The following NXPH1 variants were observed in gnomAD, a reference collection of about 807,000 sequenced individuals.
NXPH1 encodes neurexophilin-1.
NXPH1 carries 5 observed loss-of-function variants against 23.7 expected under a neutral mutation model. The ratio of observed to expected loss-of-function variants is 0.21; its 90% CI spans 0.11 to 0.44. The LOEUF (loss-of-function observed/expected upper bound fraction) is 0.44, where lower values mean the gene tolerates loss of function less well. Among genes scored for constraint, NXPH1 ranks in the 20% least tolerant of loss-of-function variants. The probability of loss-of-function intolerance (pLI) is 0.99; values close to 1 mark genes in which losing one functional copy is unlikely to be tolerated. For synonymous variants in NXPH1, 144 were observed against 122.2 expected (o/e 1.18, Z -1.18); for missense variants, 324 against 321.6 (o/e 1.01, Z -0.06).
chr7:8,513,601 G>GT (rs2062014505), intron 2 of NXPH1, among the ~76,000 whole-genome samples: 1 of 152,112 alleles, frequency 6.6e-6, no homozygotes, highest in Non-Finnish European at 1.5e-5. Flanking sequence ...GTAAGGGATT[G>GT]TATACCTTTG....
intron 2 of NXPH1, among the ~76,000 whole-genome samples, chr7:8,451,595 TTGTC>T (rs1189663637): frequency 6.6e-6 from 1 of 152,214 alleles, no homozygotes; most frequent in Non-Finnish European, 1.5e-5. Context: ...CATTAGTCTT[TTGTC>T]TGAGTAGGTA....
chr7:8,459,852 A>C (rs6969626), intron 2 of NXPH1, among the ~76,000 whole-genome samples: 1 of 152,070 alleles, frequency 6.6e-6, no homozygotes, highest in Non-Finnish European at 1.5e-5. Flanking sequence ...TGTTGCACGA[A>C]TGAATTCGTG....
At chr7:8,580,730 G>C (rs1818850141) in intron 2 of NXPH1, among the ~76,000 whole-genome samples, 1 of 127,760 alleles carries the variant, frequency 7.8e-6, no homozygotes, top group Non-Finnish European at 1.6e-5. Context: ...AGTTGTGTTG[G>C]TCACTTTTTT....
chr7:8,679,305 C>T (rs1049152928), intron 2 of NXPH1, among the ~76,000 whole-genome samples: 1 of 151,970 alleles, frequency 6.6e-6, no homozygotes, highest in African/African-American at 2.4e-5. Flanking sequence ...GTAAAGAACA[C>T]GTTCAAGTGT....
chr7:8,693,619 TG>T (rs1821257133), intron 2 of NXPH1, among the ~76,000 whole-genome samples: 1 of 152,210 alleles, frequency 6.6e-6, no homozygotes, highest in Non-Finnish European at 1.5e-5. Flanking sequence ...TTATTATTTT[TG>T]AAGGTTCATT....
chr7:8,692,912 A>G (rs1381809472), intron 2 of NXPH1, among the ~76,000 whole-genome samples: 1 of 152,226 alleles, frequency 6.6e-6, no homozygotes, highest in Non-Finnish European at 1.5e-5. Context: ...ACCCTTAGAC[A>G]AAACACCGCC....
chr7:8,540,321 T>C (rs1244939906), intron 2 of NXPH1, among the ~76,000 whole-genome samples: 1 of 151,784 alleles, frequency 6.6e-6, no homozygotes, highest in African/African-American at 2.4e-5. Context: ...GTGAAGTAAT[T>C]GGGGCCAAAT....
At chr7:8,556,032 G>T (rs1818351321) in intron 2 of NXPH1, among the ~76,000 whole-genome samples, 1 of 151,658 alleles carries the variant, frequency 6.6e-6, no homozygotes, top group Non-Finnish European at 1.5e-5. Context: ...CTCTTGAGGG[G>T]AGGAACATAT....
intron 2 of NXPH1, among the ~76,000 whole-genome samples, chr7:8,707,618 A>T (rs1779724484): frequency 6.6e-6 from 1 of 152,146 alleles, no homozygotes; most frequent in Non-Finnish European, 1.5e-5. Context: ...CATCTCATAC[A>T]GATCCATCAG....
At chr7:8,743,501 G>A (rs961970352) in intron 2 of NXPH1, among the ~76,000 whole-genome samples, 75 of 152,060 alleles carry the variant, frequency 4.9e-4, no homozygotes, top group Admixed American at 4.7e-3. Context: ...GAGTGAAGTC[G>A]AGAAGTGGTT....
intron 2 of NXPH1, among the ~76,000 whole-genome samples, chr7:8,742,284 A>G (rs537507675): frequency 5.3e-5 from 8 of 152,286 alleles, no homozygotes; most frequent in African/African-American, 1.9e-4. Context: ...TGAAAATTCA[A>G]TGAGAGAGGG....
intron 2 of NXPH1, among the ~76,000 whole-genome samples, chr7:8,742,845 G>A (rs1021235561): frequency 1.3e-5 from 2 of 152,138 alleles, no homozygotes; most frequent in Admixed American, 1.3e-4. Flanking sequence ...GATATATCCT[G>A]TGGAATAGTG....
intron 2 of NXPH1, among the ~76,000 whole-genome samples, chr7:8,676,729 A>G (rs1820959143): frequency 6.6e-6 from 1 of 152,202 alleles, no homozygotes; most frequent in South Asian, 2.1e-4. Context: ...GTAAAGAAGT[A>G]GCAACTTAAA....
At chr7:8,609,966 T>C (rs1819580794) in intron 2 of NXPH1, among the ~76,000 whole-genome samples, 1 of 152,168 alleles carries the variant, frequency 6.6e-6, no homozygotes, top group Non-Finnish European at 1.5e-5. Context: ...TAAAATTTAC[T>C]TGTTTGATTT....
intron 2 of NXPH1, among the ~76,000 whole-genome samples, chr7:8,448,774 C>T (rs1190239579): frequency 7.0e-6 from 1 of 143,268 alleles, no homozygotes; most frequent in Non-Finnish European, 1.5e-5. Flanking sequence ...GAGATTGTGC[C>T]ACTGCACTGC....
At chr7:8,552,632 G>T (rs115803386) in intron 2 of NXPH1, among the ~76,000 whole-genome samples, 4 of 151,514 alleles carry the variant, frequency 2.6e-5, no homozygotes, top group Admixed American at 2.6e-4. Flanking sequence ...TGGGCAATCA[G>T]TTCTACAATT....
At position 8,442,633 on chromosome 7, in the gene NXPH1, C is replaced by G. The variant is rs1288563451; in HGVS notation, c.54+6866C>G. On this transcript the variant is annotated intron_variant, in intron 2 of 2. Transcript: ENST00000405863. This position sits in a 1 kb window ranked among gnomAD's most constrained non-coding sequence, Gnocchi z 4.6. The stretch of plus-strand genomic sequence containing the variant: ...AGGCTTCATACCCTCCCTTCGGAAA[C>G]TCAGTCCGCTGACCAAAGCCGCAGT... Among the ~76,000 whole-genome samples, 1 of 152,248 alleles carries G rather than the reference C, an allele frequency of 6.6e-6. No homozygotes were observed. Among genetic ancestry groups the G allele is most frequent in the Admixed American group, 6.5e-5 (1 of 15,286 alleles).
At chr7:8,691,057 G>T (rs932596194) in intron 2 of NXPH1, among the ~76,000 whole-genome samples, 8 of 152,162 alleles carry the variant, frequency 5.3e-5, no homozygotes, top group Non-Finnish European at 1.0e-4. Context: ...GTGACATATG[G>T]CTCTCTCAGC....
intron 2 of NXPH1, among the ~76,000 whole-genome samples, chr7:8,499,039 A>G (rs558759686): frequency 1.3e-5 from 2 of 152,190 alleles, no homozygotes; most frequent in Non-Finnish European, 2.9e-5. Flanking sequence ...AACAGATTCT[A>G]CATAGTGTAA....
Sources: gnomAD v4.1 joint callset for allele counts (sites outside exome capture counted in the v4.1 genomes callset) on GRCh38, gnomAD v4.1.1 for gene constraint, Gnocchi (gnomAD v3.1) non-coding constraint, MANE v1.5 for transcripts, NCBI Gene and HGNC (gene_info 2026-07-23, HGNC 2026-07-21) for gene names.